The following RBFOX1 variants were observed in gnomAD, a reference collection of about 807,000 sequenced individuals.
RBFOX1 encodes the protein RNA binding protein fox-1 homolog 1.
Under a neutral mutation model 57.7 loss-of-function variants are expected in RBFOX1, and 8 were observed. The observed-to-expected ratio is 0.14, with a 90% CI of 0.08 to 0.25. The LOEUF is 0.25. Ranked by LOEUF, RBFOX1 falls within the 10% of genes least tolerant of loss-of-function variation. RBFOX1 has a pLI of 1.00. For synonymous variants in RBFOX1, 326 were observed against 222.4 expected, an observed-to-expected ratio of 1.47 and a Z score of -4.15; for missense variants, 611 against 548.5, an observed-to-expected ratio of 1.11 and a Z score of -1.14.
chr16:5,341,489 G>A (rs1029062027), intron 1 of RBFOX1, among the ~76,000 whole-genome samples: 2 of 152,200 alleles, frequency 1.3e-5, no homozygotes, highest in African/African-American at 4.8e-5. Context: ...GAGCTGACAG[G>A]ACTTGGGGAT....
chr16:5,586,776 T>C (rs1468390867), intron 2 of RBFOX1, among the ~76,000 whole-genome samples: 1 of 152,156 alleles, frequency 6.6e-6, no homozygotes, highest in Non-Finnish European at 1.5e-5. Context: ...GGATTACAAG[T>C]GTAAGCCACC....
At chr16:7,201,537 C>A (rs2088479901) in intron 4 of RBFOX1, among the ~76,000 whole-genome samples, 1 of 151,734 alleles carries the variant, frequency 6.6e-6, no homozygotes, top group Non-Finnish European at 1.5e-5. Context: ...TCTGGGCTCA[C>A]TGCAACCTCT....
At chr16:5,791,254 A>G (rs1368354742) in intron 3 of RBFOX1, among the ~76,000 whole-genome samples, 1 of 152,206 alleles carries the variant, frequency 6.6e-6, no homozygotes, top group Non-Finnish European at 1.5e-5. Context: ...GTAGCCAACT[A>G]TCTTTTGTAT....
intron 3 of RBFOX1, among the ~76,000 whole-genome samples, chr16:7,029,171 TAC>T (rs2042049807): frequency 1.5e-5 from 1 of 66,334 alleles, no homozygotes; most frequent in African/African-American, 3.7e-5. Context: ...CACATATATA[TAC>T]GTATACGTGT....
At chr16:5,705,967 G>A (rs1310884267) in intron 3 of RBFOX1, among the ~76,000 whole-genome samples, 1 of 152,138 alleles carries the variant, frequency 6.6e-6, no homozygotes, top group Non-Finnish European at 1.5e-5. Flanking sequence ...ATGGAGTGCA[G>A]TGGTGTGCTC....
At chr16:6,145,252 A>G (rs1439351613) in intron 1 of RBFOX1, among the ~76,000 whole-genome samples, 1 of 151,910 alleles carries the variant, frequency 6.6e-6, no homozygotes, top group Non-Finnish European at 1.5e-5. Context: ...CATTCTCATC[A>G]TTTAGCTCCC....
intron 4 of RBFOX1, among the ~76,000 whole-genome samples, chr16:7,281,930 A>G (rs185889796): frequency 1.9e-4 from 29 of 152,176 alleles, no homozygotes; most frequent in Admixed American, 5.9e-4. Flanking sequence ...CAGTGGCACA[A>G]TTATAGCTCA....
chr16:6,359,113 G>C lies in RBFOX1; in HGVS notation c.-64+42056G>C, dbSNP rs147074494. ...TTGTTTGTTTGTTTGTTTGTTTTGA[G>C]ACGGAGTCTAGCTCTGTCACCCAGG... On this transcript the variant is annotated intron_variant, in intron 2 of 15. Coordinates refer to ENST00000550418, the MANE Select transcript of RBFOX1 (RefSeq NM_018723.4). Among the ~76,000 whole-genome samples, 681 of 148,636 alleles carry C rather than the reference G, an allele frequency of 4.6e-3. 5 individuals carry two copies. The highest frequency in any genetic ancestry group is 0.016 in the African/African-American group (638 of 38,916).
chr16:6,007,424 G>A (rs1042583603), intron 4 of RBFOX1, among the ~76,000 whole-genome samples: 2 of 152,166 alleles, frequency 1.3e-5, no homozygotes, highest in African/African-American at 4.8e-5. Flanking sequence ...ACATGACTGA[G>A]CAGGCAGCTG....
chr16:6,901,133 C>A (rs554955427), intron 3 of RBFOX1, among the ~76,000 whole-genome samples: 5 of 152,150 alleles, frequency 3.3e-5, no homozygotes, highest in African/African-American at 7.2e-5. Flanking sequence ...TTTGTGTTTC[C>A]TGTTAGACTG....
At chr16:6,737,638 G>A (rs147311967) in intron 3 of RBFOX1, among the ~76,000 whole-genome samples, 307 of 152,288 alleles carry the variant, frequency 2.0e-3, no homozygotes, top group African/African-American at 7.1e-3. Flanking sequence ...ATACAGTTGG[G>A]AAGAGTGAAG....
At chr16:5,967,139 A>T (rs549981422) in intron 4 of RBFOX1, among the ~76,000 whole-genome samples, 1 of 152,246 alleles carries the variant, frequency 6.6e-6, no homozygotes, top group Admixed American at 6.5e-5. Flanking sequence ...TAGTTGCAAC[A>T]GAGACCATCT....
At chr16:6,612,573 C>G (rs895546324) in intron 2 of RBFOX1, among the ~76,000 whole-genome samples, 7 of 152,162 alleles carry the variant, frequency 4.6e-5, no homozygotes, top group Non-Finnish European at 8.8e-5. Flanking sequence ...TTGTTTGGCC[C>G]GGGTGTAGTT....
intron 3 of RBFOX1, among the ~76,000 whole-genome samples, chr16:5,811,507 G>C (rs2055431573): frequency 6.7e-6 from 1 of 149,342 alleles, no homozygotes; most frequent in Admixed American, 6.7e-5. Flanking sequence ...CTGGAGTGCA[G>C]TGGCACAATC....
At chr16:7,135,731 T>A (rs902830380) in intron 4 of RBFOX1, among the ~76,000 whole-genome samples, 1 of 152,254 alleles carries the variant, frequency 6.6e-6, no homozygotes, top group African/African-American at 2.4e-5. Context: ...AATTTAACCC[T>A]GTCTTCCTCC....
chr16:5,766,538 T>C (rs2053785376), intron 3 of RBFOX1, among the ~76,000 whole-genome samples: 1 of 152,020 alleles, frequency 6.6e-6, no homozygotes, highest in South Asian at 2.1e-4. Flanking sequence ...TGAGCCGAGA[T>C]CACATCACTG....
rs185278076 is a variant in RBFOX1, at chr16:6,956,085, T to C, written c.-15-95972T>C. On this transcript the variant is annotated intron_variant, in intron 3 of 15. Transcript: ENST00000550418. ...TTCCCTTTAGTGAGTTACCTTCCCT[T>C]TGTTTTGCTTATCTGAGTGAGGGCC... Among the ~76,000 whole-genome samples, 70 of 152,232 alleles carry C rather than the reference T, an allele frequency of 4.6e-4. No individual in the cohort carries two copies. The Middle Eastern group carries it at 0.014, about 30-fold the overall frequency.
intron 3 of RBFOX1, among the ~76,000 whole-genome samples, chr16:6,823,788 A>G (rs2091718409): frequency 6.6e-6 from 1 of 152,148 alleles, no homozygotes; most frequent in Non-Finnish European, 1.5e-5. Context: ...AGATAGGAAA[A>G]CTAATAATAG....
intron 10 of RBFOX1, among the ~76,000 whole-genome samples, chr16:7,625,303 A>T (rs947667016): frequency 6.6e-6 from 1 of 152,132 alleles, no homozygotes; most frequent in African/African-American, 2.4e-5. Flanking sequence ...GTATTTGCAT[A>T]TCAAAGCTTG....
Sources: gnomAD v4.1 joint callset for allele counts (sites outside exome capture counted in the v4.1 genomes callset) on GRCh38, gnomAD v4.1.1 for gene constraint, MANE v1.5 for transcripts, NCBI Gene and HGNC (gene_info 2026-07-23, HGNC 2026-07-21) for gene names.